CDKAL1: variants seen among roughly 807,000 people sequenced by gnomAD.
CDKAL1 encodes threonylcarbamoyladenosine tRNA methylthiotransferase.
CDKAL1 carries 32 observed loss-of-function variants against 68.2 expected under a neutral mutation model. The ratio of observed to expected loss-of-function variants is 0.47; its 90% CI spans 0.35 to 0.63. CDKAL1 has a LOEUF of 0.63. Among genes scored for constraint, CDKAL1 ranks in the 30% least tolerant of loss-of-function variants. CDKAL1 has a pLI of 0.00. For synonymous variants in CDKAL1, 234 were observed against 244.3 expected, an observed-to-expected ratio of 0.96 and a Z score of 0.39; for missense variants, 606 against 696.7, an observed-to-expected ratio of 0.87 and a Z score of 1.47.
At chr6:21,036,567 A>G (rs1440317551) in intron 11 of CDKAL1, among the ~76,000 whole-genome samples, 1 of 152,184 alleles carries the variant, frequency 6.6e-6, no homozygotes, top group Non-Finnish European at 1.5e-5. Context: ...GATGAATAAC[A>G]CCATCAGCTT....
chr6:20,682,699 T>C (rs753477046), intron 5 of CDKAL1, among the ~76,000 whole-genome samples: 4 of 152,216 alleles, frequency 2.6e-5, no homozygotes, highest in Non-Finnish European at 5.9e-5. Flanking sequence ...TCAAATCATA[T>C]CACAACCCAA....
chr6:20,721,687 G>A lies in CDKAL1; in HGVS notation c.372-17832G>A, dbSNP rs147815721. Among the ~76,000 whole-genome samples the A allele has an allele frequency of 3.9e-3, 565 of 146,252 alleles. 7 individuals carry two copies. The highest frequency in any genetic ancestry group is 0.013 in the African/African-American group (527 of 39,150). The stretch of plus-strand genomic sequence containing the variant: ...TAGTTTACATTCCCACCAACAGTGC[G>A]TAAGCATTCCTTCTTCTCTGCACCC... On this transcript the variant is annotated intron_variant, in intron 5 of 15. Transcript: ENST00000274695.
chr6:20,661,534 G>A (rs557023111), intron 5 of CDKAL1, among the ~76,000 whole-genome samples: 1 of 152,060 alleles, frequency 6.6e-6, no homozygotes, highest in Non-Finnish European at 1.5e-5. Flanking sequence ...ATGTATGCCA[G>A]TGAGCAGTTT....
intron 4 of CDKAL1, among the ~76,000 whole-genome samples, chr6:20,590,190 CTG>C (rs2127699620): frequency 6.6e-6 from 1 of 152,248 alleles, no homozygotes; most frequent in South Asian, 2.1e-4. Context: ...AGTCATATGA[CTG>C]TCCCCAGGTT....
intron 9 of CDKAL1, among the ~76,000 whole-genome samples, chr6:20,859,417 A>G (rs1428481700): frequency 2.0e-5 from 3 of 152,306 alleles, no homozygotes; most frequent in African/African-American, 4.8e-5. Flanking sequence ...ATCTATGAAT[A>G]CGTAAAAGAA....
intron 13 of CDKAL1, among the ~76,000 whole-genome samples, chr6:21,161,729 GCTT>G (rs1270276022): frequency 1.3e-5 from 2 of 152,118 alleles, no homozygotes; most frequent in Non-Finnish European, 2.9e-5. Flanking sequence ...CTTCTGCATG[GCTT>G]CTTTTATGGG....
Position 21,230,101 on chromosome 6 carries a change from A to AC in CDKAL1, c.1549-745dup, listed in dbSNP as rs540432707. Among the ~76,000 whole-genome samples the AC allele has an allele frequency of 1.8e-3, 269 of 152,302 alleles. 1 individual carries two copies. The highest frequency in any genetic ancestry group is 3.2e-3 in the Non-Finnish European group (218 of 68,026). ...TGGCGCAGCCCTCCTGTGGCAGCAG[A>AC]CCAGCTGGGAATCTTTGTCCTAGGG... On this transcript the variant is annotated intron_variant, in intron 15 of 15. Transcript: ENST00000274695.
chr6:20,769,257 C>CTTTT (rs371966986), intron 7 of CDKAL1, among the ~76,000 whole-genome samples: 8,474 of 114,900 alleles, frequency 0.074, 767 homozygotes, highest in Non-Finnish European at 0.079. Context: ...TTGTGATCAT[C>CTTTT]TTTTTTTTTT....
At chr6:20,959,970 A>G (rs981414670) in intron 10 of CDKAL1, among the ~76,000 whole-genome samples, 3 of 152,172 alleles carry the variant, frequency 2.0e-5, no homozygotes, top group African/African-American at 2.4e-5. Context: ...GGCTGCTGCT[A>G]ATGAGGCACC....
chr6:20,756,880 CTTCCTT>C (rs1394606280), intron 6 of CDKAL1: 80 of 80,488 alleles, frequency 9.9e-4, no homozygotes, highest in African/African-American at 2.8e-3. Context: ...TCCTTCCTTC[CTTCCTT>C]CCTTCCTTCC....
intron 9 of CDKAL1, among the ~76,000 whole-genome samples, chr6:20,944,567 A>G (rs1161773677): frequency 1.3e-5 from 2 of 150,360 alleles, no homozygotes; most frequent in African/African-American, 4.9e-5. Context: ...CTGGTCTTGA[A>G]CTCCTGACCT....
At chr6:20,838,252 T>C (rs1581676542) in intron 8 of CDKAL1, among the ~76,000 whole-genome samples, 2 of 152,122 alleles carry the variant, frequency 1.3e-5, no homozygotes, top group East Asian at 3.9e-4. Context: ...CCTACTATGG[T>C]AGGAAGTGTA....
chr6:20,910,367 A>C (rs1349748173), intron 9 of CDKAL1, among the ~76,000 whole-genome samples: 3 of 152,230 alleles, frequency 2.0e-5, no homozygotes, highest in Non-Finnish European at 2.9e-5. Context: ...CAGCTTAGGA[A>C]ATAAAAATAC....
At chr6:20,551,106 C>T (rs1763804317) in intron 4 of CDKAL1, among the ~76,000 whole-genome samples, 1 of 151,802 alleles carries the variant, frequency 6.6e-6, no homozygotes, top group Non-Finnish European at 1.5e-5. Flanking sequence ...ACCTCGTGAT[C>T]CACTCGCCTT....
chr6:20,820,667 C>T (rs544462987), intron 8 of CDKAL1, among the ~76,000 whole-genome samples: 2 of 152,220 alleles, frequency 1.3e-5, no homozygotes, highest in African/African-American at 2.4e-5. Flanking sequence ...AGTCCTGGTT[C>T]GGCTACTCTT....
At chr6:20,536,944 T>A (rs542481115) in intron 2 of CDKAL1, among the ~76,000 whole-genome samples, 3 of 152,352 alleles carry the variant, frequency 2.0e-5, no homozygotes, top group African/African-American at 7.2e-5. Context: ...TGAGAATGAC[T>A]GGAAAGTTTT....
chr6:21,013,268 TCTTAGCAAAG>T (rs1353338883), intron 11 of CDKAL1, among the ~76,000 whole-genome samples: 1 of 152,232 alleles, frequency 6.6e-6, no homozygotes, highest in Non-Finnish European at 1.5e-5. Context: ...AGAGTGGTTT[TCTTAGCAAAG>T]CTGTTTCCTC....
chr6:20,710,535 G>A (rs113390860), intron 5 of CDKAL1, among the ~76,000 whole-genome samples: 2,773 of 152,182 alleles, frequency 0.018, 88 homozygotes, highest in African/African-American at 0.063. Flanking sequence ...AAATGTATCC[G>A]CATCATTAAG....
chr6:20,948,933 G>C (rs1764391359), intron 9 of CDKAL1, among the ~76,000 whole-genome samples: 1 of 152,166 alleles, frequency 6.6e-6, no homozygotes, highest in Admixed American at 6.5e-5. Flanking sequence ...AATTCCTGCA[G>C]AAGTATGGAA....
Sources: allele counts gnomAD v4.1 joint callset (sites outside exome capture counted in the v4.1 genomes callset), GRCh38; gene constraint gnomAD v4.1.1; transcripts MANE v1.5; gene names NCBI Gene and HGNC (gene_info 2026-07-23, HGNC 2026-07-21).